LATS2: variants seen among roughly 807,000 people sequenced by gnomAD.
LATS2 encodes the protein serine/threonine-protein kinase LATS2.
Under a neutral mutation model 76.0 loss-of-function variants are expected in LATS2, and 24 were observed. That is an observed-to-expected ratio of 0.32 (90% CI 0.23 to 0.44). The LOEUF is 0.44. LATS2 is among the 20% of genes least tolerant of loss of function. The pLI, the probability that LATS2 is intolerant of heterozygous loss-of-function variation, is 1.00. For missense variants in LATS2, 1,286 were observed against 1,481.2 expected, an observed-to-expected ratio of 0.87 and a Z score of 2.16; for synonymous variants, 692 against 635.4, an observed-to-expected ratio of 1.09 and a Z score of -1.34.
chr13:21,037,885 T>G (rs1872735563), intron 2 of LATS2, among the ~76,000 whole-genome samples: 1 of 152,026 alleles, frequency 6.6e-6, no homozygotes, highest in Admixed American at 6.6e-5. Flanking sequence ...GTGGGTCCTG[T>G]CCGCCAACTC....
Position 20,988,995 on chromosome 13 carries a change from C to G in LATS2, c.785G>C (p.Gly262Ala), listed in dbSNP as rs1241170172. The G allele has an allele frequency of 2.6e-6, 4 of 1,545,686 alleles. No individual in the cohort carries two copies. Among genetic ancestry groups the G allele is most frequent in the Non-Finnish European group, 3.5e-6 (4 of 1,151,876 alleles). The change falls in exon 4 of 8, where the codon GGG becomes GCG. Residue 262 changes from glycine to alanine, a missense_variant. Coordinates refer to ENST00000382592, the MANE Select transcript of LATS2 (RefSeq NM_014572.3). ...CTGCACTCCGTAGCCCAGGGGTTCC[C>G]CAGGCACCAGCAGGTGCGGCCGCCC... ...HYGRPHLLVP[G>A]EPLGYGVQRS...
chr13:21,012,707 AAG>A (rs1309387700), intron 2 of LATS2, among the ~76,000 whole-genome samples: 3 of 152,156 alleles, frequency 2.0e-5, no homozygotes, highest in Admixed American at 6.6e-5. Context: ...AACGAGCAGA[AAG>A]AGAGGAAGAT....
chr13:21,040,325 G>A lies in LATS2; in HGVS notation c.342+5360C>T, dbSNP rs529525070. On this transcript the variant is annotated intron_variant, in intron 2 of 7. Transcript: ENST00000382592. The stretch of plus-strand genomic sequence containing the variant: ...TGCTTGAGCCCAGGTCAAGGCTACA[G>A]TGAGCCGAGATTGCGCCACTGCACT... 1.5e-4 allele frequency among the ~76,000 whole-genome samples: 23 copies of A among 151,200 alleles called. No individual in the cohort carries two copies. The South Asian group carries it at 4.6e-3, about 30-fold the overall frequency.
At chr13:20,976,135 CTTG>C (rs75593974) in intron 7 of LATS2, among the ~76,000 whole-genome samples, 18,134 of 152,060 alleles carry the variant, frequency 0.12, 1,974 homozygotes, top group East Asian at 0.5. Flanking sequence ...AGTAAATGCA[CTTG>C]TTGTAGAGAT....
intron 2 of LATS2, among the ~76,000 whole-genome samples, chr13:21,019,751 A>G (rs1871973634): frequency 6.9e-6 from 1 of 145,098 alleles, no homozygotes; most frequent in Admixed American, 7.0e-5. Context: ...AAGCGGGTGG[A>G]TCACCTGAGG....
chr13:21,030,776 AAAAT>A (rs1248254543), intron 2 of LATS2, among the ~76,000 whole-genome samples: 2 of 152,126 alleles, frequency 1.3e-5, no homozygotes, highest in Non-Finnish European at 2.9e-5. Context: ...AAGAAAATAA[AAAAT>A]AAATTAGTAT....
At chr13:21,051,436 T>C (rs916754559) in intron 1 of LATS2, among the ~76,000 whole-genome samples, 4 of 152,152 alleles carry the variant, frequency 2.6e-5, no homozygotes, top group African/African-American at 9.7e-5. Flanking sequence ...AGTTACAGGA[T>C]AGAGAAAAGT....
chr13:20,982,531 G>T (rs544347468), intron 5 of LATS2, among the ~76,000 whole-genome samples: 3 of 151,984 alleles, frequency 2.0e-5, no homozygotes, highest in East Asian at 3.9e-4. Flanking sequence ...GGCTGGTCTC[G>T]AACTCCTGAC....
chr13:21,037,269 C>T lies in LATS2; in HGVS notation c.342+8416G>A, dbSNP rs1281036753. Among the ~76,000 whole-genome samples the T allele has an allele frequency of 4.6e-5, 7 of 152,006 alleles. 1 individual carries two copies. The South Asian group carries it at 6.2e-4, about 14-fold the overall frequency. On this transcript the variant is annotated intron_variant, in intron 2 of 7. Transcript: ENST00000382592. ...AAATACAAAAATTAGCCAGGCATGA[C>T]GGTGGGTGCCTGTAATTCCAGCTAC... is the stretch of plus-strand genomic sequence containing the variant.
chr13:20,987,995 C>T lies in LATS2; in HGVS notation c.1785G>A (p.Lys595=), dbSNP rs1565944169. The part of the protein sequence containing the change: ...RDEEKRESRI[K]SYSPYAFKFF... ...ACTTAAAGGCGTATGGCGAGTAGCT[C>T]TTGATGCGTGACTCTCTCTTCTCTT... The change falls in exon 4 of 8, where the codon AAG becomes AAA. Residue 595 remains lysine, a synonymous_variant. Coordinates refer to ENST00000382592, the MANE Select transcript of LATS2 (RefSeq NM_014572.3). 1 of 1,614,274 alleles carries T rather than the reference C, an allele frequency of 6.2e-7. No individual in the cohort carries two copies. Among genetic ancestry groups the T allele is most frequent in the Non-Finnish European group, 8.5e-7 (1 of 1,180,048 alleles).
intron 2 of LATS2, among the ~76,000 whole-genome samples, chr13:21,034,483 G>A (rs1207640714): frequency 2.0e-5 from 3 of 152,162 alleles, no homozygotes; most frequent in African/African-American, 7.2e-5. Context: ...TCCTTCCCTG[G>A]CTCAGACCTG....
intron 1 of LATS2, among the ~76,000 whole-genome samples, chr13:21,053,355 G>A: frequency 6.6e-6 from 1 of 151,906 alleles, no homozygotes; most frequent in African/African-American, 2.4e-5. Flanking sequence ...CCAATCTAAG[G>A]GACCATACAT....
intron 2 of LATS2, among the ~76,000 whole-genome samples, chr13:21,027,278 T>G (rs1304921999): frequency 6.6e-6 from 1 of 152,242 alleles, no homozygotes; most frequent in Non-Finnish European, 1.5e-5. Flanking sequence ...CTAAGAGATC[T>G]TTGCCTTTCT....
At position 20,982,883 on chromosome 13, in the gene LATS2, C is replaced by T. The variant is rs532531463; in HGVS notation, c.2482+341G>A. 8.1e-5 allele frequency among the ~76,000 whole-genome samples: 12 copies of T among 148,736 alleles called. No individual in the cohort carries two copies. In the South Asian group the frequency reaches 1.1e-3, roughly 13 times the overall value. On this transcript the variant is annotated intron_variant, in intron 5 of 7. Transcript: ENST00000382592. ...GTGCGTGACTGTAATCCCGGCTACT[C>T]GGGAGGCTGGAGGCAGGAGAATCAC...
chr13:20,975,600 T>C (rs113739841), intron 7 of LATS2, among the ~76,000 whole-genome samples: 2 of 152,352 alleles, frequency 1.3e-5, no homozygotes, highest in African/African-American at 4.8e-5. Context: ...AAGATACTGA[T>C]TTTCTTCTAT....
At chr13:21,006,655 A>AG (rs1871277912) in intron 2 of LATS2, among the ~76,000 whole-genome samples, 1 of 152,238 alleles carries the variant, frequency 6.6e-6, no homozygotes, top group Non-Finnish European at 1.5e-5. Context: ...TTCCAGACAA[A>AG]GGCTGCCTGG....
intron 1 of LATS2, among the ~76,000 whole-genome samples, chr13:21,052,016 G>A (rs1053888313): frequency 1.3e-5 from 2 of 152,118 alleles, no homozygotes; most frequent in Non-Finnish European, 2.9e-5. Flanking sequence ...AGTGGCTGGA[G>A]GTGGGAGGCC....
intron 2 of LATS2, among the ~76,000 whole-genome samples, chr13:21,028,066 G>A (rs1379224511): frequency 6.6e-6 from 1 of 152,024 alleles, no homozygotes; most frequent in Non-Finnish European, 1.5e-5. Flanking sequence ...ATCTCCTAAT[G>A]CTATCCCTCC....
chr13:21,001,789 G>A (rs1871049157), intron 2 of LATS2, among the ~76,000 whole-genome samples: 1 of 152,112 alleles, frequency 6.6e-6, no homozygotes, highest in African/African-American at 2.4e-5. Context: ...TAAGGCAGAA[G>A]AATTGCTTGA....
Sources: allele counts gnomAD v4.1 joint callset (sites outside exome capture counted in the v4.1 genomes callset), GRCh38; gene constraint gnomAD v4.1.1; transcripts MANE v1.5; gene names NCBI Gene and HGNC (gene_info 2026-07-23, HGNC 2026-07-21).